The following DENND5B variants were observed in gnomAD, a reference collection of about 807,000 sequenced individuals.
DENND5B encodes DENN domain containing 5B, also known as DENN domain-containing protein 5B.
DENND5B carries 34 observed loss-of-function variants against 140.6 expected under a neutral mutation model. The ratio of observed to expected loss-of-function variants is 0.24; its 90% CI spans 0.18 to 0.32. The LOEUF (loss-of-function observed/expected upper bound fraction) is 0.32. Ranked by LOEUF, DENND5B falls within the 10% of genes least tolerant of loss-of-function variation. DENND5B has a pLI of 1.00. For missense variants in DENND5B, 1,142 were observed against 1,560.2 expected (o/e 0.73, Z 4.52); for synonymous variants, 551 against 562.1 (o/e 0.98, Z 0.28).
chr12:31,581,579 G>C (rs1210676438), intron 1 of DENND5B, among the ~76,000 whole-genome samples: 1 of 151,598 alleles, frequency 6.6e-6, no homozygotes, highest in Admixed American at 6.6e-5. Flanking sequence ...TGTAATCCCA[G>C]CTATTCGGGA....
At chr12:31,435,355 T>C (rs572514660) in intron 7 of DENND5B, among the ~76,000 whole-genome samples, 14 of 152,264 alleles carry the variant, frequency 9.2e-5, no homozygotes, top group African/African-American at 3.1e-4. Context: ...TAAAATACAT[T>C]AGCCAAGGCT....
intron 13 of DENND5B, among the ~76,000 whole-genome samples, chr12:31,411,317 A>G (rs982197898): frequency 2.1e-5 from 3 of 142,122 alleles, no homozygotes; most frequent in Non-Finnish European, 4.5e-5. Context: ...GATTACAGCC[A>G]TGAGCCAACA....
At chr12:31,424,255 G>A (rs528158786) in intron 10 of DENND5B, among the ~76,000 whole-genome samples, 8 of 152,212 alleles carry the variant, frequency 5.3e-5, no homozygotes, top group Admixed American at 3.9e-4. Flanking sequence ...TGTTAATTCT[G>A]GACAGTGACA....
intron 1 of DENND5B, among the ~76,000 whole-genome samples, chr12:31,496,688 A>T (rs1300082418): frequency 6.6e-6 from 1 of 151,724 alleles, no homozygotes; most frequent in Non-Finnish European, 1.5e-5. Context: ...ACATGGTGAG[A>T]CCCCGTTTCT....
At chr12:31,406,662 A>T (rs1942138770) in intron 14 of DENND5B, among the ~76,000 whole-genome samples, 1 of 152,218 alleles carries the variant, frequency 6.6e-6, no homozygotes, top group South Asian at 2.1e-4. Context: ...CACAACAGTG[A>T]TTTCATAGTT....
chr12:31,394,368 T>TA (rs533398483), intron 17 of DENND5B, among the ~76,000 whole-genome samples: 7 of 151,274 alleles, frequency 4.6e-5, no homozygotes, highest in Admixed American at 6.6e-5. Flanking sequence ...AAAGTACGAT[T>TA]AAAAAAAAAT....
At chr12:31,393,152 C>A (rs1483891760) in intron 17 of DENND5B, among the ~76,000 whole-genome samples, 1 of 152,042 alleles carries the variant, frequency 6.6e-6, no homozygotes, top group African/African-American at 2.4e-5. Flanking sequence ...CACCTACGAG[C>A]CTGTTAGTGA....
chr12:31,392,803 G>T (rs1941220634), intron 17 of DENND5B, 107 bp from the exon 18 acceptor site: 3 of 1,122,572 alleles, frequency 2.7e-6, no homozygotes, highest in Non-Finnish European at 2.5e-6. Context: ...CATCAGAGCA[G>T]GCTGGCTTTG....
intron 1 of DENND5B, among the ~76,000 whole-genome samples, chr12:31,535,727 C>T (rs1948471511): frequency 6.6e-6 from 1 of 152,178 alleles, no homozygotes; most frequent in South Asian, 2.1e-4. Flanking sequence ...CCTGACTCTT[C>T]AATGCCCAGA....
intron 1 of DENND5B, among the ~76,000 whole-genome samples, chr12:31,568,610 C>G (rs1949710920): frequency 6.6e-6 from 1 of 152,166 alleles, no homozygotes. Context: ...TGTGCGAATA[C>G]AAACTCTTAA....
chr12:31,489,688 G>A (rs1946449201), intron 2 of DENND5B, among the ~76,000 whole-genome samples: 5 of 152,150 alleles, frequency 3.3e-5, no homozygotes, highest in Admixed American at 1.3e-4. Flanking sequence ...CATTAAGCAC[G>A]AGATACACAG....
intron 1 of DENND5B, among the ~76,000 whole-genome samples, chr12:31,511,682 C>T (rs1173455508): frequency 2.0e-5 from 3 of 151,994 alleles, no homozygotes; most frequent in African/African-American, 7.2e-5. Context: ...AGCTCTTCAA[C>T]ACATTATTCA....
chr12:31,399,382 G>C lies in DENND5B; in HGVS notation c.3068+272C>G. Among the ~76,000 whole-genome samples the C allele has an allele frequency of 1.4e-5, 2 of 147,368 alleles. 1 individual carries two copies. ...AAATCTCCCCCTCCCGGGTTCAAGC[G>C]ATTCTCCTGCCTCAGCCTCCCAAGT... On this transcript the variant is annotated intron_variant, in intron 16 of 20. Transcript: ENST00000389082.
chr12:31,473,525 A>G (rs1324515234), intron 3 of DENND5B, among the ~76,000 whole-genome samples: 1 of 152,054 alleles, frequency 6.6e-6, no homozygotes, highest in Non-Finnish European at 1.5e-5. Flanking sequence ...AGAACCGAGA[A>G]GCTGGAGCAC....
chr12:31,458,460 G>C (rs1469675934), intron 4 of DENND5B, among the ~76,000 whole-genome samples: 2 of 152,080 alleles, frequency 1.3e-5, no homozygotes, highest in African/African-American at 4.8e-5. Flanking sequence ...TAACATACTT[G>C]ACTAATTTAA....
intron 1 of DENND5B, among the ~76,000 whole-genome samples, chr12:31,587,453 C>T (rs1449858152): frequency 6.7e-6 from 1 of 149,722 alleles, no homozygotes; most frequent in Non-Finnish European, 1.5e-5. Flanking sequence ...TTGGGCCTAC[C>T]TTCAACATCT....
At chr12:31,417,261 G>A (rs1351809038) in intron 11 of DENND5B, among the ~76,000 whole-genome samples, 1 of 147,396 alleles carries the variant, frequency 6.8e-6, no homozygotes, top group Non-Finnish European at 1.5e-5. Flanking sequence ...GGAGGCTGAG[G>A]CAAGACAATG....
intron 1 of DENND5B, among the ~76,000 whole-genome samples, chr12:31,520,762 G>A (rs1947845103): frequency 6.6e-6 from 1 of 151,762 alleles, no homozygotes; most frequent in Non-Finnish European, 1.5e-5. Flanking sequence ...GGATGGTCTC[G>A]ATCTCCTGAC....
chr12:31,390,040 C>A (rs911165997), intron 19 of DENND5B, among the ~76,000 whole-genome samples: 1 of 151,830 alleles, frequency 6.6e-6, no homozygotes, highest in Non-Finnish European at 1.5e-5. Flanking sequence ...TCTCTGACAA[C>A]TTTCCTTTTT....
Sources: allele counts gnomAD v4.1 joint callset (sites outside exome capture counted in the v4.1 genomes callset), GRCh38; gene constraint gnomAD v4.1.1; transcripts MANE v1.5; gene names NCBI Gene and HGNC (gene_info 2026-07-23, HGNC 2026-07-21).